The following RASA3 variants were observed in gnomAD, a reference collection of about 807,000 sequenced individuals.
The protein encoded by RASA3 is ras GTPase-activating protein 3.
RASA3 carries 73 observed loss-of-function variants against 110.0 expected under a neutral mutation model. The ratio of observed to expected loss-of-function variants is 0.66; its 90% CI spans 0.55 to 0.81. The LOEUF is 0.81. Ranked by LOEUF, RASA3 falls within the 30% of genes least tolerant of loss-of-function variation. The probability of loss-of-function intolerance (pLI) is 0.00; values close to 1 mark genes in which losing one functional copy is unlikely to be tolerated. For missense variants in RASA3, 976 were observed against 1,113.2 expected (o/e 0.88, Z 1.75); for synonymous variants, 500 against 451.4 (o/e 1.11, Z -1.37).
Position 114,018,861 on chromosome 13 carries a change from A to T in RASA3, c.844T>A (p.Ser282Thr). 6.2e-7 allele frequency: 1 copy of T among 1,613,926 alleles called. No homozygotes were observed. The highest frequency in any genetic ancestry group is 8.5e-7 in the Non-Finnish European group (1 of 1,179,992). Residue 282 changes from serine to threonine, a missense_variant, in exon 10 of 24, where the codon TCC (serine) becomes ACC (threonine). Physicochemically the swap from Ser to Thr is moderately conservative, Grantham distance 58. Around this residue, in one of 4 missense-constraint regions of RASA3, gnomAD observed 732 missense variants for 779.7 expected, o/e 0.94. Transcript: ENST00000334062. ...SKSLKPDDLG[S>T]LRLNVVYTED... ...GTGTATACCACGTTCAGCCGCAGGG[A>T]GCCCAGGTCGTCTGGCTTTAGGCTC...
chr13:114,070,377 C>T (rs1175005446), intron 2 of RASA3, among the ~76,000 whole-genome samples: 1 of 152,110 alleles, frequency 6.6e-6, no homozygotes. Context: ...CGACCAATGA[C>T]TAATACAGGA....
intron 1 of RASA3, among the ~76,000 whole-genome samples, chr13:114,124,473 C>T (rs1047903747): frequency 8.5e-5 from 13 of 152,276 alleles, no homozygotes; most frequent in Non-Finnish European, 1.9e-4. Flanking sequence ...TCCCGGGCAC[C>T]TCGGTGACTC....
chr13:113,995,729 G>GA (rs1450278962), intron 21 of RASA3, among the ~76,000 whole-genome samples: 5 of 82,054 alleles, frequency 6.1e-5, no homozygotes, highest in Admixed American at 1.1e-4. Flanking sequence ...AGCTGATGGG[G>GA]GGCCCGGCTG....
intron 20 of RASA3, among the ~76,000 whole-genome samples, chr13:113,998,029 G>C (rs1275345766): frequency 6.6e-6 from 1 of 152,234 alleles, no homozygotes; most frequent in African/African-American, 2.4e-5. Flanking sequence ...GCTGGTGAGA[G>C]CCTGGCCTGG....
rs1479566113 is a variant in RASA3 at position 113,979,189 on chromosome 13, G to A, written c.*158C>T. On this transcript the variant is annotated 3_prime_UTR_variant, in exon 24 of 24. Coordinates refer to ENST00000334062, the MANE Select transcript of RASA3 (RefSeq NM_007368.4). ...CGGAGGGCGTGGCGGTGGTGGCAGC[G>A]GTTCTGGGAGAGGGAAACCCCAGCG... 5 of 679,060 alleles carry A rather than the reference G, an allele frequency of 7.4e-6. No individual in the cohort carries two copies. The highest frequency in any genetic ancestry group is 3.5e-5 in the South Asian group (2 of 56,402). 42.1% of individuals were successfully genotyped at this position (679,060 alleles called of 1,614,324 possible).
intron 7 of RASA3, among the ~76,000 whole-genome samples, chr13:114,026,436 G>T (rs1171783852): frequency 6.6e-6 from 1 of 152,258 alleles, no homozygotes; most frequent in Non-Finnish European, 1.5e-5. Flanking sequence ...ACAGAGAACA[G>T]ATTCCACCTC....
chr13:114,007,418 TTCTCC>T, intron 18 of RASA3, 110 bp downstream of exon 18: 8 of 261,610 alleles, frequency 3.1e-5, no homozygotes, highest in South Asian at 5.8e-5. Context: ...CACCTTACCC[TTCTCC>T]CCTCCTGCCC....
chr13:114,049,673 G>A (rs200880088), intron 3 of RASA3, among the ~76,000 whole-genome samples: 7 of 152,252 alleles, frequency 4.6e-5, no homozygotes, highest in East Asian at 1.9e-4. Context: ...CGTGGCGCCC[G>A]GCACAGGCTG....
At chr13:114,105,580 C>T (rs1207386565) in intron 1 of RASA3, among the ~76,000 whole-genome samples, 1 of 152,198 alleles carries the variant, frequency 6.6e-6, no homozygotes, top group Non-Finnish European at 1.5e-5. Context: ...TCCTGCCTGA[C>T]AAGGCCACAG....
rs74711334 is a variant in RASA3, at chr13:114,095,564, C to T, written c.56-21727G>A. ...ATTTTTCCATGCTGTAGTCTCAGGGCTTCACTCCTTCCTGCGGCTGATTAA... is the reference window on the plus strand; with the variant it reads ...ATTTTTCCATGCTGTAGTCTCAGGGTTTCACTCCTTCCTGCGGCTGATTAA... On this transcript the variant is annotated intron_variant, in intron 1 of 23. Transcript: ENST00000334062. 8.4e-3 allele frequency among the ~76,000 whole-genome samples: 1,274 copies of T among 152,226 alleles called. 23 individuals carry two copies. Among genetic ancestry groups the T allele is most frequent in the African/African-American group, 0.029 (1,198 of 41,524 alleles).
At chr13:114,023,803 C>T (rs1446707135) in intron 8 of RASA3, among the ~76,000 whole-genome samples, 1 of 152,202 alleles carries the variant, frequency 6.6e-6, no homozygotes, top group Non-Finnish European at 1.5e-5. Context: ...AACATGAACC[C>T]AGGACGCCAG....
rs1390476800 is a variant in RASA3, at chr13:114,065,116, G to A, written c.173+8604C>T. 6.6e-6 allele frequency among the ~76,000 whole-genome samples: 1 copy of A among 152,216 alleles called. No homozygotes were observed. ...CTTTAAGTAGTGGCTCTGATGAGGG[G>A]AAACCATCTGAACTGAATTCCTCCT... On this transcript the variant is annotated intron_variant, in intron 2 of 23. Transcript: ENST00000334062. This position sits in a 1 kb window ranked among gnomAD's most constrained non-coding sequence, Gnocchi z 4.1.
In RASA3 at chr13:114,112,066, C is replaced by CCT. The variant is rs1430154013; in HGVS notation, c.55+20367_55+20368dup. Among the ~76,000 whole-genome samples, 1 of 149,638 alleles carries CCT rather than the reference C, an allele frequency of 6.7e-6. No individual in the cohort carries two copies. The highest frequency in any genetic ancestry group is 1.5e-5 in the Non-Finnish European group (1 of 67,732). ...GTGTGGTCCCGTAAGTGACACTGTC[C>CCT]CTCCCTCTCCCTGGAAACAGCAGCC... On this transcript the variant is annotated intron_variant, in intron 1 of 23. Transcript: ENST00000334062. This position sits in a 1 kb window ranked among gnomAD's most constrained non-coding sequence, Gnocchi z 4.8.
At chr13:114,041,201 A>T (rs1282808125) in intron 3 of RASA3, 107 bp from the exon 4 acceptor site, 6 of 988,160 alleles carry the variant, frequency 6.1e-6, no homozygotes, top group Non-Finnish European at 9.4e-6. Context: ...CCAACAGTTT[A>T]ATTCAGAATG....
chr13:114,072,727 A>G (rs1009380552), intron 2 of RASA3, among the ~76,000 whole-genome samples: 17 of 152,232 alleles, frequency 1.1e-4, no homozygotes, highest in South Asian at 1.0e-3. Context: ...TGCACACCAG[A>G]GCCCCAGGGA....
intron 7 of RASA3, among the ~76,000 whole-genome samples, chr13:114,026,802 G>A (rs980646942): frequency 4.6e-5 from 7 of 152,112 alleles, no homozygotes; most frequent in African/African-American, 1.2e-4. Flanking sequence ...AAACCGCACC[G>A]GCCACATGGC....
In RASA3 at chr13:114,056,606, G is replaced by A. The variant is rs1047571364; in HGVS notation, c.174-4451C>T. On this transcript the variant is annotated intron_variant, in intron 2 of 23. Coordinates refer to ENST00000334062, the MANE Select transcript of RASA3 (RefSeq NM_007368.4). The surrounding 1 kb of genome is among the most constrained non-coding windows in gnomAD (Gnocchi z 5.7). Reference sequence around the variant, plus strand: ...TGGGGGGCTCGGTGGGGGGAGGCCCGTGCTGGCTGGGCACCTGGGAGGGTC... The same window carrying A: ...TGGGGGGCTCGGTGGGGGGAGGCCCATGCTGGCTGGGCACCTGGGAGGGTC... The A allele has an allele frequency of 1.5e-5, 15 of 984,394 alleles. No homozygotes were observed. The highest frequency in any genetic ancestry group is 1.2e-4 in the African/African-American group (7 of 56,872). The allele number at this position is 984,394 out of a possible 1,614,324, so 61.0% of individuals were successfully genotyped here.
intron 1 of RASA3, among the ~76,000 whole-genome samples, chr13:114,113,470 A>G (rs1009393502): frequency 6.6e-6 from 1 of 152,248 alleles, no homozygotes; most frequent in Non-Finnish European, 1.5e-5. Flanking sequence ...AAAGATGCCA[A>G]TGAGAAAACC....
chr13:114,094,908 C>G (rs1242105326), intron 1 of RASA3, among the ~76,000 whole-genome samples: 1 of 152,170 alleles, frequency 6.6e-6, no homozygotes, highest in African/African-American at 2.4e-5. Flanking sequence ...ATATCCCGCC[C>G]CACCTAAAGC....
Sources: allele counts gnomAD v4.1 joint callset (sites outside exome capture counted in the v4.1 genomes callset), GRCh38; gene constraint gnomAD v4.1.1; regional missense constraint gnomAD v4.1.1; non-coding constraint Gnocchi (gnomAD v3.1); transcripts MANE v1.5; gene names NCBI Gene and HGNC (gene_info 2026-07-23, HGNC 2026-07-21).